The following RBPMS variants were observed in gnomAD, a reference collection of about 807,000 sequenced individuals.
RBPMS encodes the protein RNA-binding protein with multiple splicing.
In RBPMS, 7 loss-of-function variants were observed where a neutral mutation model predicts 26.8. That is an observed-to-expected ratio of 0.26 (90% CI 0.15 to 0.49). The LOEUF is 0.49. Among genes scored for constraint, RBPMS ranks in the 20% least tolerant of loss-of-function variants. RBPMS has a pLI of 0.98. For synonymous variants in RBPMS, 96 were observed against 93.3 expected, an observed-to-expected ratio of 1.03 and a Z score of -0.17; for missense variants, 186 against 250.0, an observed-to-expected ratio of 0.74 and a Z score of 1.73.
intron 6 of RBPMS, among the ~76,000 whole-genome samples, chr8:30,548,970 G>A (rs1826076267): frequency 6.6e-6 from 1 of 152,262 alleles, no homozygotes; most frequent in South Asian, 2.1e-4. Flanking sequence ...CGAGGGCAGT[G>A]CTGGGTATGG....
intron 5 of RBPMS, among the ~76,000 whole-genome samples, chr8:30,526,995 T>TC (rs1357959713): frequency 6.6e-6 from 1 of 152,142 alleles, no homozygotes; most frequent in African/African-American, 2.4e-5. Context: ...CAGATAGCGC[T>TC]CTGTAGCTCC....
chr8:30,411,641 G>T (rs1292694461), intron 1 of RBPMS, among the ~76,000 whole-genome samples: 1 of 136,726 alleles, frequency 7.3e-6, no homozygotes, highest in Admixed American at 8.2e-5. Context: ...CTCCAGCCTG[G>T]GTGACAGCAA....
rs574090522 is a variant in RBPMS, at chr8:30,556,111, C to T, written c.529-2776C>T. The T allele has an allele frequency of 7.1e-6, 7 of 985,390 alleles. No homozygotes were observed. The African/African-American group carries it at 1.2e-4, about 17-fold the overall frequency. The allele number at this position is 985,390 out of a possible 1,614,324, so 61.0% of individuals were successfully genotyped here. A position where few individuals can be genotyped will look rare whatever the true frequency, so the allele number is the denominator to read the frequency against. On this transcript the variant is annotated intron_variant, in intron 6 of 8. Transcript: ENST00000397323. Reference sequence around the variant, plus strand: ...TGTGGATGCGGTGAGAAGAGCCCCCCACTTGGCAAGCACATAGTGTCCTAG... The same window carrying T: ...TGTGGATGCGGTGAGAAGAGCCCCCTACTTGGCAAGCACATAGTGTCCTAG...
At position 30,546,008 on chromosome 8, in the gene RBPMS, G is replaced by A. The variant is rs140455698; in HGVS notation, c.528+1384G>A. Among the ~76,000 whole-genome samples the A allele has an allele frequency of 9.2e-5, 14 of 152,274 alleles. No individual in the cohort carries two copies. In the East Asian group the frequency reaches 2.7e-3, roughly 29 times the overall value. Reference sequence around the variant, plus strand: ...GCTTTTTCTTCCTTTTTCCATGTCAGTGCTTGGGAACCCTCACAACTGGCA... The same window carrying A: ...GCTTTTTCTTCCTTTTTCCATGTCAATGCTTGGGAACCCTCACAACTGGCA... On this transcript the variant is annotated intron_variant, in intron 6 of 8. Transcript: ENST00000397323.
At chr8:30,570,487 CAT>C (rs1450244370) in intron 8 of RBPMS, 148 bp from the exon 9 acceptor site, 3 of 152,658 alleles carry the variant, frequency 2.0e-5, no homozygotes, top group African/African-American at 7.2e-5. Context: ...ACCACTGACA[CAT>C]GTGGTCAGCA....
intron 5 of RBPMS, among the ~76,000 whole-genome samples, chr8:30,508,179 C>A (rs531271482): frequency 1.3e-5 from 2 of 151,952 alleles, no homozygotes; most frequent in South Asian, 4.2e-4. Flanking sequence ...GAGGAAGGGC[C>A]GTGTGAGGAC....
chr8:30,565,069 G>A (rs1379887712), intron 7 of RBPMS: 1 of 152,212 alleles, frequency 6.6e-6, no homozygotes, highest in Non-Finnish European at 1.5e-5. Flanking sequence ...GTGTGGAGGG[G>A]TCCTGGAGAG....
intron 4 of RBPMS, among the ~76,000 whole-genome samples, chr8:30,493,794 G>C (rs1210810349): frequency 6.6e-6 from 1 of 151,980 alleles, no homozygotes; most frequent in Non-Finnish European, 1.5e-5. Context: ...ACGCCCTCTC[G>C]ACCCTTTGGA....
chr8:30,389,483 G>A (rs1052568149), intron 1 of RBPMS, among the ~76,000 whole-genome samples: 4 of 152,202 alleles, frequency 2.6e-5, no homozygotes, highest in African/African-American at 7.2e-5. Context: ...AGGCAATAAA[G>A]TGGGTACTTT....
intron 5 of RBPMS, among the ~76,000 whole-genome samples, chr8:30,510,549 C>G (rs1430960506): frequency 6.6e-6 from 1 of 151,738 alleles, no homozygotes; most frequent in African/African-American, 2.4e-5. Context: ...CCAACCTGCT[C>G]CCCCTCCTGC....
chr8:30,526,111 C>T (rs969922206), intron 5 of RBPMS, among the ~76,000 whole-genome samples: 1 of 152,230 alleles, frequency 6.6e-6, no homozygotes, highest in Non-Finnish European at 1.5e-5. Flanking sequence ...CTCTTTAGCA[C>T]GGTGTGCAGG....
intron 4 of RBPMS, among the ~76,000 whole-genome samples, chr8:30,487,006 G>A (rs1818861630): frequency 6.6e-6 from 1 of 152,180 alleles, no homozygotes; most frequent in African/African-American, 2.4e-5. Flanking sequence ...AAAGTGCTAT[G>A]AATCTAATTT....
intron 1 of RBPMS, among the ~76,000 whole-genome samples, chr8:30,418,515 G>T (rs1173086112): frequency 6.6e-6 from 1 of 151,964 alleles, no homozygotes; most frequent in Admixed American, 6.6e-5. Flanking sequence ...CCACAATTTG[G>T]TTATCTTTTG....
At chr8:30,469,078 A>G (rs1816817843) in intron 1 of RBPMS, among the ~76,000 whole-genome samples, 1 of 152,236 alleles carries the variant, frequency 6.6e-6, no homozygotes, top group Admixed American at 6.5e-5. Flanking sequence ...TTTGGATACT[A>G]TGTGTTTACC....
At chr8:30,432,981 T>G (rs1433261018) in intron 1 of RBPMS, among the ~76,000 whole-genome samples, 1 of 152,206 alleles carries the variant, frequency 6.6e-6, no homozygotes, top group Admixed American at 6.5e-5. Flanking sequence ...TACGTTCAAC[T>G]GAAAGCCAAT....
chr8:30,437,825 G>T (rs1350652756), intron 1 of RBPMS, among the ~76,000 whole-genome samples: 1 of 150,350 alleles, frequency 6.7e-6, no homozygotes, highest in African/African-American at 2.5e-5. Flanking sequence ...GAGCGTGGTG[G>T]GCACATGCCT....
intron 4 of RBPMS, among the ~76,000 whole-genome samples, chr8:30,502,575 A>G (rs1001362239): frequency 5.3e-5 from 8 of 152,184 alleles, no homozygotes; most frequent in African/African-American, 7.2e-5. Flanking sequence ...GCAAGTTGCT[A>G]CTATGTGTGT....
intron 1 of RBPMS, among the ~76,000 whole-genome samples, chr8:30,436,775 A>G (rs1406385794): frequency 6.6e-6 from 1 of 152,166 alleles, no homozygotes; most frequent in African/African-American, 2.4e-5. Flanking sequence ...TTTGTTTTAA[A>G]AAGAATTCGT....
In RBPMS at chr8:30,548,201, T is replaced by G. The variant is rs539837203; in HGVS notation, c.528+3577T>G. Among the ~76,000 whole-genome samples, 7 of 152,368 alleles carry G rather than the reference T, an allele frequency of 4.6e-5. No individual in the cohort carries two copies. In the East Asian group the frequency reaches 1.2e-3, roughly 25 times the overall value. Reference sequence around the variant, plus strand: ...ATTAGGAGAGGAAACTTTCATCTGTTGCTTTCAAAAAGCTTATACACTGAA... The same window carrying G: ...ATTAGGAGAGGAAACTTTCATCTGTGGCTTTCAAAAAGCTTATACACTGAA... On this transcript the variant is annotated intron_variant, in intron 6 of 8. Coordinates refer to ENST00000397323, the MANE Select transcript of RBPMS (RefSeq NM_001008710.3).
Sources: allele counts gnomAD v4.1 joint callset (sites outside exome capture counted in the v4.1 genomes callset), GRCh38; gene constraint gnomAD v4.1.1; transcripts MANE v1.5; gene names NCBI Gene and HGNC (gene_info 2026-07-23, HGNC 2026-07-21).